RBFOX3: variants seen among roughly 807,000 people sequenced by gnomAD.
The protein encoded by RBFOX3 is RNA binding protein fox-1 homolog 3.
A neutral mutation model predicts 48.7 loss-of-function variants in RBFOX3; 17 were observed. The ratio of observed to expected loss-of-function variants is 0.35; its 90% CI spans 0.24 to 0.52. The LOEUF (loss-of-function observed/expected upper bound fraction) is 0.52. Ranked by LOEUF, RBFOX3 falls within the 20% of genes least tolerant of loss-of-function variation. RBFOX3 has a pLI of 0.94. For synonymous variants in RBFOX3, 212 were observed against 209.5 expected, an observed-to-expected ratio of 1.01 and a Z score of -0.10; for missense variants, 382 against 497.5, an observed-to-expected ratio of 0.77 and a Z score of 2.21.
intron 1 of RBFOX3, among the ~76,000 whole-genome samples, chr17:79,550,642 C>T (rs1400392196): frequency 6.6e-6 from 1 of 151,790 alleles, no homozygotes; most frequent in Non-Finnish European, 1.5e-5. Flanking sequence ...GATGGGTGGG[C>T]AGATGGAAGA....
At chr17:79,386,923 C>T (rs2060639201) in intron 2 of RBFOX3, among the ~76,000 whole-genome samples, 1 of 152,216 alleles carries the variant, frequency 6.6e-6, no homozygotes, top group Non-Finnish European at 1.5e-5. Flanking sequence ...GACAGGTCTA[C>T]TTATGAAGGA....
rs77487575 is a variant in RBFOX3, at chr17:79,399,922, C to T, written c.-175+82532G>A. On this transcript the variant is annotated intron_variant, in intron 2 of 14. Coordinates refer to ENST00000693108, the MANE Select transcript of RBFOX3 (RefSeq NM_001350451.2). ...AACTCCCGCTCTGGAATCTAGACAT[C>T]GTTTCCCATCACTCAGGAAAGGTCT... Among the ~76,000 whole-genome samples, 687 of 152,292 alleles carry T rather than the reference C, an allele frequency of 4.5e-3. 9 individuals are homozygous for T. Among genetic ancestry groups the T allele is most frequent in the African/African-American group, 0.016 (657 of 41,560 alleles).
At chr17:79,139,029 C>A (rs374656012) in intron 4 of RBFOX3, among the ~76,000 whole-genome samples, 1 of 150,358 alleles carries the variant, frequency 6.7e-6, no homozygotes, top group South Asian at 2.1e-4. Flanking sequence ...TGCCCTCACC[C>A]ACACACGCAC....
intron 3 of RBFOX3, among the ~76,000 whole-genome samples, chr17:79,238,312 C>T (rs2061884086): frequency 6.6e-6 from 1 of 152,220 alleles, no homozygotes; most frequent in Admixed American, 6.5e-5. Context: ...TCAATTGAAT[C>T]CAGCCCCACT....
chr17:79,398,723 G>A (rs11077435), intron 2 of RBFOX3, among the ~76,000 whole-genome samples: 135,173 of 152,226 alleles, frequency 0.89, 60,083 homozygotes, highest in Middle Eastern at 0.93. Flanking sequence ...AGTGCATAAA[G>A]TAGTAAGGGC....
chr17:79,418,393 C>T lies in RBFOX3; in HGVS notation c.-175+64061G>A, dbSNP rs571968569. On this transcript the variant is annotated intron_variant, in intron 2 of 14. Transcript: ENST00000693108. This position sits in a 1 kb window ranked among gnomAD's most constrained non-coding sequence, Gnocchi z 5.0. Reference sequence around the variant, plus strand: ...CTACAGCAAAAGAAAGGTACCTGCCCCCAATTTTCCCTCCACTAGATAATC... The same window carrying T: ...CTACAGCAAAAGAAAGGTACCTGCCTCCAATTTTCCCTCCACTAGATAATC... Among the ~76,000 whole-genome samples, 5 of 152,246 alleles carry T rather than the reference C, an allele frequency of 3.3e-5. No individual in the cohort carries two copies. The East Asian group carries it at 7.7e-4, about 24-fold the overall frequency.
At chr17:79,512,673 G>A (rs868994893) in intron 1 of RBFOX3, among the ~76,000 whole-genome samples, 36 of 120,930 alleles carry the variant, frequency 3.0e-4, no homozygotes, top group African/African-American at 8.4e-4. Flanking sequence ...ACACCCACCC[G>A]GATACGTGTT....
At chr17:79,513,189 C>T (rs1299283390) in intron 1 of RBFOX3, among the ~76,000 whole-genome samples, 3 of 151,552 alleles carry the variant, frequency 2.0e-5, no homozygotes, top group East Asian at 2.0e-4. Context: ...ATGTTACCAT[C>T]AGGTACAGCC....
intron 2 of RBFOX3, among the ~76,000 whole-genome samples, chr17:79,425,293 C>T (rs532327515): frequency 2.6e-5 from 4 of 152,320 alleles, no homozygotes; most frequent in East Asian, 1.9e-4. Context: ...CCTCTGAGTG[C>T]CCTGAGCAAG....
chr17:79,497,505 A>G (rs2081721832), intron 1 of RBFOX3, among the ~76,000 whole-genome samples: 1 of 152,186 alleles, frequency 6.6e-6, no homozygotes, highest in African/African-American at 2.4e-5. Flanking sequence ...TAGTACTAGG[A>G]GACCTGCCTC....
In RBFOX3 at chr17:79,592,432, C is replaced by T. The variant is rs988216489; in HGVS notation, c.-320+18394G>A. Reference sequence around the variant, plus strand: ...TGGGCACACGTGTGCATGTGTGGTGCGTGCATATGTGTGTGGACAGGTGTG... The same window carrying T: ...TGGGCACACGTGTGCATGTGTGGTGTGTGCATATGTGTGTGGACAGGTGTG... On this transcript the variant is annotated intron_variant, in intron 1 of 14. Transcript: ENST00000693108. Among the ~76,000 whole-genome samples, 47 of 150,386 alleles carry T rather than the reference C, an allele frequency of 3.1e-4. 1 individual carries two copies. In the East Asian group the frequency reaches 5.4e-3, roughly 17 times the overall value.
intron 1 of RBFOX3, among the ~76,000 whole-genome samples, chr17:79,530,909 G>A (rs1310768639): frequency 2.0e-5 from 3 of 152,224 alleles, no homozygotes; most frequent in East Asian, 1.9e-4. Context: ...CAGGCCTGGC[G>A]GGTTAGACGG....
In RBFOX3 at chr17:79,477,185, A is replaced by G. The variant is rs2077936012; in HGVS notation, c.-175+5269T>C. 2.0e-5 allele frequency among the ~76,000 whole-genome samples: 3 copies of G among 150,092 alleles called. No homozygotes were observed. Among genetic ancestry groups the G allele is most frequent in the South Asian group, 4.3e-4 (2 of 4,672 alleles). ...GAGGTAGAGGTTGCAGTGAGCTGAG[A>G]TCGCGCCACTGCACTCCAGCCTGGG... On this transcript the variant is annotated intron_variant, in intron 2 of 14. Coordinates refer to ENST00000693108, the MANE Select transcript of RBFOX3 (RefSeq NM_001350451.2). This position sits in a 1 kb window ranked among gnomAD's most constrained non-coding sequence, Gnocchi z 4.8.
intron 1 of RBFOX3, among the ~76,000 whole-genome samples, chr17:79,555,278 T>C (rs2091537904): frequency 1.3e-5 from 2 of 151,906 alleles, no homozygotes; most frequent in Non-Finnish European, 2.9e-5. Flanking sequence ...ATGGTGGTGG[T>C]GGTAGTGGTG....
At chr17:79,634,857 C>G in the RBFOX3 span, among the ~76,000 whole-genome samples, 1 of 151,664 alleles carries the variant, frequency 6.6e-6, no homozygotes, top group African/African-American at 2.4e-5. Flanking sequence ...GTCAGGAGTT[C>G]GAGACCACCC....
chr17:79,269,192 C>T (rs755027055), intron 3 of RBFOX3, among the ~76,000 whole-genome samples: 1 of 152,176 alleles, frequency 6.6e-6, no homozygotes, highest in Admixed American at 6.5e-5. Flanking sequence ...TGATGCTGTC[C>T]CCGCCAAGTA....
intron 1 of RBFOX3, among the ~76,000 whole-genome samples, chr17:79,484,488 G>A (rs1260156604): frequency 8.4e-6 from 1 of 118,686 alleles, no homozygotes; most frequent in Non-Finnish European, 1.8e-5. Context: ...GGGCCTGGGT[G>A]CAGGGGCCTG....
At position 79,471,014 on chromosome 17, in the gene RBFOX3, G is replaced by C. The variant is rs1244394436; in HGVS notation, c.-175+11440C>G. ...TTCTAGCTCTGTGATGCACCACCAC[G>C]AAAAAAATAACAGCAGAACCAGCCC... On this transcript the variant is annotated intron_variant, in intron 2 of 14. Coordinates refer to ENST00000693108, the MANE Select transcript of RBFOX3 (RefSeq NM_001350451.2). The surrounding 1 kb of genome is among the most constrained non-coding windows in gnomAD (Gnocchi z 4.0). Among the ~76,000 whole-genome samples, 1 of 151,998 alleles carries C rather than the reference G, an allele frequency of 6.6e-6. No homozygotes were observed. Among genetic ancestry groups the C allele is most frequent in the Non-Finnish European group, 1.5e-5 (1 of 68,012 alleles).
At chr17:79,169,884 G>A (rs1290590566) in intron 4 of RBFOX3, among the ~76,000 whole-genome samples, 2 of 151,556 alleles carry the variant, frequency 1.3e-5, no homozygotes, top group Non-Finnish European at 2.9e-5. Flanking sequence ...AAAGCCCACA[G>A]ATACAAATCA....
Sources: gnomAD v4.1 joint callset for allele counts (sites outside exome capture counted in the v4.1 genomes callset) on GRCh38, gnomAD v4.1.1 for gene constraint, Gnocchi (gnomAD v3.1) non-coding constraint, MANE v1.5 for transcripts, NCBI Gene and HGNC (gene_info 2026-07-23, HGNC 2026-07-21) for gene names.